ZNF846: variants seen among roughly 807,000 people sequenced by gnomAD.
The protein encoded by ZNF846 is zinc finger protein 846.
ZNF846 carries 15 observed loss-of-function variants against 16.0 expected under a neutral mutation model. The ratio of observed to expected loss-of-function variants is 0.94; its 90% CI spans 0.63 to 1.45. The LOEUF is 1.45. ZNF846 is among the 40% of genes most tolerant of loss of function. The pLI is 0.00. For synonymous variants in ZNF846, 229 were observed against 212.0 expected, an observed-to-expected ratio of 1.08 and a Z score of -0.70; for missense variants, 714 against 622.3, an observed-to-expected ratio of 1.15 and a Z score of -1.57.
intron 4 of ZNF846, among the ~76,000 whole-genome samples, chr19:9,761,681 A>C (rs1175977685): frequency 6.6e-6 from 1 of 151,832 alleles, no homozygotes; most frequent in Non-Finnish European, 1.5e-5. Flanking sequence ...ACTGCACACC[A>C]GCCAGGGCGA....
At chr19:9,779,303 T>G (rs2045477185) in intron 1 of ZNF846, among the ~76,000 whole-genome samples, 1 of 151,612 alleles carries the variant, frequency 6.6e-6, no homozygotes, top group Non-Finnish European at 1.5e-5. Flanking sequence ...AGTTTCACTC[T>G]TGTTGCCCAG....
chr19:9,780,048 G>GT (rs558280116), intron 1 of ZNF846, among the ~76,000 whole-genome samples: 28,260 of 122,972 alleles, frequency 0.23, 3,759 homozygotes, highest in Admixed American at 0.32. Context: ...AGCTAATTTT[G>GT]TTTTTTTTTT....
intron 5 of ZNF846, 60 bp from the exon 6 acceptor site, chr19:9,758,824 C>T (rs1489833232): frequency 1.5e-6 from 2 of 1,313,720 alleles, no homozygotes; most frequent in Non-Finnish European, 2.1e-6. Context: ...AACAGAATTT[C>T]TCCCCAATCA....
intron 1 of ZNF846, among the ~76,000 whole-genome samples, chr19:9,780,122 C>A (rs1421662418): frequency 6.9e-6 from 1 of 144,540 alleles, no homozygotes; most frequent in Admixed American, 7.1e-5. Flanking sequence ...AACTCCTGGG[C>A]TCAAGCAATC....
At chr19:9,770,157 GATC>G (rs1568327713), upstream of ZNF846, among the ~76,000 whole-genome samples, 1 of 151,404 alleles carries the variant, frequency 6.6e-6, no homozygotes, top group Non-Finnish European at 1.5e-5. Context: ...TTTGTGCATC[GATC>G]ATCACAATCA....
At chr19:9,774,006 C>T (rs2045411673) in intron 1 of ZNF846, among the ~76,000 whole-genome samples, 1 of 152,052 alleles carries the variant, frequency 6.6e-6, no homozygotes, top group African/African-American at 2.4e-5. Context: ...CATAAAGATA[C>T]TTAGGTTTAG....
At chr19:9,781,268 A>G (rs1317733880) in intron 1 of ZNF846, among the ~76,000 whole-genome samples, 2 of 152,116 alleles carry the variant, frequency 1.3e-5, no homozygotes, top group South Asian at 4.1e-4. Flanking sequence ...CTGGAATTAC[A>G]GGCATGCACC....
intron 1 of ZNF846, among the ~76,000 whole-genome samples, chr19:9,782,529 C>T (rs969507): frequency 2.6e-5 from 4 of 152,186 alleles, no homozygotes; most frequent in African/African-American, 7.2e-5. Context: ...TCCCAAAGCA[C>T]TGGGATTGCA....
At chr19:9,776,489 G>A (rs550610684) in intron 1 of ZNF846, among the ~76,000 whole-genome samples, 1 of 152,236 alleles carries the variant, frequency 6.6e-6, no homozygotes, top group Non-Finnish European at 1.5e-5. Context: ...CAACTGCCAG[G>A]CAGGGAAGGG....
chr19:9,754,075 T>C (rs188795069), downstream of ZNF846, among the ~76,000 whole-genome samples: 9 of 151,662 alleles, frequency 5.9e-5, no homozygotes, highest in Admixed American at 1.3e-4. Context: ...TTGATACATA[T>C]AATTTTTTTA....
rs377543388 is a variant in ZNF846, at chr19:9,765,935, C to CAT, written c.-85-902_-85-901dup. ...ATAAATAAATAAACAAATAAATATA[C>CAT]ATATATATATATACACATATATGAA... On this transcript the variant is annotated intron_variant, in intron 1 of 5. Coordinates refer to ENST00000397902, the Ensembl canonical transcript of ZNF846. Among the ~76,000 whole-genome samples, 211 of 150,970 alleles carry CAT rather than the reference C, an allele frequency of 1.4e-3. 1 individual carries two copies. The highest frequency in any genetic ancestry group is 0.014 in the Middle Eastern group (4 of 290).
chr19:9,766,484 C>G (rs187781992), intron 1 of ZNF846, among the ~76,000 whole-genome samples: 1 of 151,224 alleles, frequency 6.6e-6, no homozygotes, highest in East Asian at 1.9e-4. Flanking sequence ...TTGGGTTGTT[C>G]CTAATTTAGG....
At chr19:9,756,386 A>G (rs866562258), downstream of ZNF846, 4 of 83,664 alleles carry the variant, frequency 4.8e-5, no homozygotes, top group Non-Finnish European at 8.9e-5. Flanking sequence ...TATATATATA[A>G]AGACATTCCC....
intron 4 of ZNF846, 76 bp from the exon 5 acceptor site, chr19:9,760,018 G>A (rs1182996792): frequency 9.9e-6 from 11 of 1,108,320 alleles, no homozygotes; most frequent in African/African-American, 9.5e-5. Context: ...GGGGCTGGGC[G>A]TGGTGGCTCA....
intron 1 of ZNF846, among the ~76,000 whole-genome samples, chr19:9,782,509 C>T (rs1030481710): frequency 6.6e-6 from 1 of 152,072 alleles, no homozygotes; most frequent in Non-Finnish European, 1.5e-5. Flanking sequence ...GCAGTCCTCC[C>T]GACTCAGCCT....
chr19:9,758,086 T>A (rs1188748611), exon 6 of ZNF846: 4 of 1,613,694 alleles, frequency 2.5e-6, no homozygotes, highest in Non-Finnish European at 2.5e-6. Context: ...CCAGTGTGAA[T>A]TCGCATGTGT....
rs114311439 is a variant in ZNF846, at chr19:9,781,129, G to T, written c.-86+4809C>A. On this transcript the variant is annotated intron_variant, in intron 1 of 4. Coordinates refer to the ZNF846 transcript ENST00000586814. ...CTCCTCTGGAGAAAATATCCTGTTA[G>T]GTGTTTTTTTGTTTGTTTGTTTGTT... is the stretch of plus-strand genomic sequence containing the variant. 5.0e-3 allele frequency among the ~76,000 whole-genome samples: 760 copies of T among 152,134 alleles called. 5 individuals carry two copies. Among genetic ancestry groups the T allele is most frequent in the African/African-American group, 0.017 (704 of 41,518 alleles).
chr19:9,749,390 T>G (rs2045066713), downstream of ZNF846, among the ~76,000 whole-genome samples: 1 of 152,110 alleles, frequency 6.6e-6, no homozygotes, highest in Admixed American at 6.6e-5. Flanking sequence ...TGCCCTTGTT[T>G]ACGCTGCCAG....
At position 9,768,272 on chromosome 19, in the gene ZNF846, C is replaced by T. The variant is rs575612964; in HGVS notation, c.-86+17G>A. ...TGCCCTCCCACAGCCAGATCATCTC[C>T]TCCGTCCAGGGCTCACCGGAACGCA... On this transcript the variant is annotated intron_variant, in intron 1 of 5. Coordinates refer to ENST00000397902, the Ensembl canonical transcript of ZNF846. The T allele has an allele frequency of 6.6e-6, 1 of 152,372 alleles. No homozygotes were observed. Among genetic ancestry groups the T allele is most frequent in the Non-Finnish European group, 1.5e-5 (1 of 68,056 alleles). The allele number at this position is 152,372 out of a possible 1,614,324, so 9.4% of individuals were successfully genotyped here.
Sources: allele counts gnomAD v4.1 joint callset (sites outside exome capture counted in the v4.1 genomes callset), GRCh38; gene constraint gnomAD v4.1.1; transcripts MANE v1.5; gene names NCBI Gene and HGNC (gene_info 2026-07-23, HGNC 2026-07-21).